TANC2: variants seen among roughly 807,000 people sequenced by gnomAD.
The protein encoded by TANC2 is tetratricopeptide repeat, ankyrin repeat and coiled-coil containing 2.
TANC2 carries 26 observed loss-of-function variants against 210.5 expected under a neutral mutation model. The ratio of observed to expected loss-of-function variants is 0.12; its 90% confidence interval spans 0.09 to 0.17. The LOEUF (loss-of-function observed/expected upper bound fraction) is 0.17, where lower values mean the gene tolerates loss of function less well. TANC2 is among the 10% of genes least tolerant of loss of function. The pLI, the probability that TANC2 is intolerant of heterozygous loss-of-function variation, is 1.00. For missense variants in TANC2, 2,129 were observed against 2,608.9 expected, an observed-to-expected ratio of 0.82 and a Z score of 4.01; for synonymous variants, 931 against 967.1, an observed-to-expected ratio of 0.96 and a Z score of 0.69.
chr17:63,167,649 T>G (rs749574112), intron 5 of TANC2, among the ~76,000 whole-genome samples: 2 of 151,824 alleles, frequency 1.3e-5, no homozygotes, highest in Non-Finnish European at 2.9e-5. Flanking sequence ...AATAAAACAT[T>G]TAGGTTTGTT....
At chr17:63,287,210 G>A (rs1457353298) in intron 9 of TANC2, among the ~76,000 whole-genome samples, 2 of 152,132 alleles carry the variant, frequency 1.3e-5, no homozygotes, top group Non-Finnish European at 2.9e-5. Flanking sequence ...TGGAATTACA[G>A]GTGTGAGTCA....
intron 14 of TANC2, among the ~76,000 whole-genome samples, chr17:63,373,362 TAAAG>T (rs979760199): frequency 2.0e-5 from 3 of 152,344 alleles, no homozygotes; most frequent in Non-Finnish European, 4.4e-5. Flanking sequence ...ATGTTAAAAT[TAAAG>T]AATTCAGAGT....
chr17:63,205,842 A>G (rs906544578), intron 7 of TANC2, among the ~76,000 whole-genome samples: 1 of 152,152 alleles, frequency 6.6e-6, no homozygotes, highest in Non-Finnish European at 1.5e-5. Flanking sequence ...CGGGAAGCAG[A>G]GGTGGCAGTG....
intron 3 of TANC2, among the ~76,000 whole-genome samples, chr17:63,080,679 AAC>A (rs1433125844): frequency 5.3e-5 from 8 of 152,216 alleles, no homozygotes; most frequent in African/African-American, 1.7e-4. Context: ...ATGCTCTTGA[AAC>A]ACACAAATTA....
intron 7 of TANC2, among the ~76,000 whole-genome samples, chr17:63,203,349 T>G (rs1243871571): frequency 6.6e-6 from 1 of 152,214 alleles, no homozygotes; most frequent in African/African-American, 2.4e-5. Flanking sequence ...TATGAATATC[T>G]ATACATTTTA....
At chr17:63,345,780 T>C (rs1231669901) in intron 12 of TANC2, among the ~76,000 whole-genome samples, 2 of 152,198 alleles carry the variant, frequency 1.3e-5, no homozygotes, top group African/African-American at 4.8e-5. Flanking sequence ...CAGATTACTA[T>C]AATAGTCATG....
At chr17:63,358,629 T>A (rs188558062) in intron 14 of TANC2, among the ~76,000 whole-genome samples, 1 of 152,278 alleles carries the variant, frequency 6.6e-6, no homozygotes, top group African/African-American at 2.4e-5. Flanking sequence ...GATATCAGAT[T>A]AACTCACTAA....
chr17:63,046,699 C>T (rs2035398731), intron 2 of TANC2, among the ~76,000 whole-genome samples: 1 of 151,956 alleles, frequency 6.6e-6, no homozygotes, highest in South Asian at 2.1e-4. Context: ...TAATATAGTA[C>T]AGATTAAGTA....
intron 9 of TANC2, among the ~76,000 whole-genome samples, chr17:63,302,958 C>T (rs546290481): frequency 1.3e-4 from 20 of 152,092 alleles, no homozygotes; most frequent in African/African-American, 2.7e-4. Flanking sequence ...GAGACAGTTT[C>T]GCCATGTTGG....
intron 4 of TANC2, among the ~76,000 whole-genome samples, chr17:63,126,850 C>A (rs954406582): frequency 5.3e-5 from 8 of 152,048 alleles, no homozygotes; most frequent in African/African-American, 1.9e-4. Flanking sequence ...TACCTCCCCA[C>A]CCCCCACTGA....
chr17:63,306,296 A>G (rs184241659), intron 9 of TANC2, among the ~76,000 whole-genome samples: 132 of 152,304 alleles, frequency 8.7e-4, no homozygotes, highest in African/African-American at 3.0e-3. Context: ...AATAGCAGGA[A>G]CTTTCATTTT....
intron 6 of TANC2, 95 bp from the exon 7 acceptor site, chr17:63,200,676 T>G: frequency 9.1e-7 from 1 of 1,101,808 alleles, no homozygotes; most frequent in Non-Finnish European, 1.3e-6. Flanking sequence ...GCTATGCATG[T>G]AGTTTTTTTT....
chr17:63,234,754 A>G (rs138985206), intron 7 of TANC2, among the ~76,000 whole-genome samples: 5 of 152,326 alleles, frequency 3.3e-5, no homozygotes, highest in African/African-American at 1.2e-4. Context: ...GGAACAACAT[A>G]AGATAGTAAA....
At chr17:63,372,444 C>T (rs972727608) in intron 14 of TANC2, among the ~76,000 whole-genome samples, 6 of 152,158 alleles carry the variant, frequency 3.9e-5, no homozygotes, top group African/African-American at 7.2e-5. Context: ...GACTAAAGTT[C>T]CATTTGAACA....
At chr17:62,983,242 G>T (rs1049178611) in intron 1 of TANC2, among the ~76,000 whole-genome samples, 1 of 151,620 alleles carries the variant, frequency 6.6e-6, no homozygotes, top group African/African-American at 2.4e-5. Context: ...ATTTTTTTTA[G>T]CTAGTTTATT....
At chr17:63,025,873 A>T (rs1419646530) in intron 2 of TANC2, among the ~76,000 whole-genome samples, 1 of 151,994 alleles carries the variant, frequency 6.6e-6, no homozygotes, top group Non-Finnish European at 1.5e-5. Flanking sequence ...ATAAAATATC[A>T]ACATGAGTTG....
At chr17:63,259,905 G>T (rs2043306587) in intron 8 of TANC2, among the ~76,000 whole-genome samples, 1 of 151,950 alleles carries the variant, frequency 6.6e-6, no homozygotes, top group African/African-American at 2.4e-5. Context: ...TAGTGTTTTG[G>T]GGGCTTTTGT....
chr17:63,376,628 T>G lies in TANC2; in HGVS notation c.2583-3090T>G, dbSNP rs116758286. Reference sequence around the variant, plus strand: ...ACTTTAATTTTTGCCTTTACAGAATTTCTAAATTGTAGTGGATACCAGGTC... The same window carrying G: ...ACTTTAATTTTTGCCTTTACAGAATGTCTAAATTGTAGTGGATACCAGGTC... On this transcript the variant is annotated intron_variant, in intron 14 of 27. Coordinates refer to ENST00000689528, the Ensembl canonical transcript of TANC2. Among the ~76,000 whole-genome samples the G allele has an allele frequency of 3.1e-3, 468 of 152,246 alleles. 6 individuals are homozygous for G. Among genetic ancestry groups the G allele is most frequent in the African/African-American group, 0.011 (461 of 41,526 alleles).
At chr17:63,313,923 G>A (rs997875576) in intron 9 of TANC2, among the ~76,000 whole-genome samples, 1 of 152,192 alleles carries the variant, frequency 6.6e-6, no homozygotes, top group African/African-American at 2.4e-5. Context: ...GTAAAGAGCT[G>A]CTACGGTAAG....
Sources: gnomAD v4.1 joint callset for allele counts (sites outside exome capture counted in the v4.1 genomes callset) on GRCh38, gnomAD v4.1.1 for gene constraint, MANE v1.5 for transcripts, NCBI Gene and HGNC (gene_info 2026-07-23, HGNC 2026-07-21) for gene names.